Variants in CLIC5 observed in about 807,000 individuals in gnomAD.
CLIC5 encodes CLIC family member 5, also known as chloride intracellular channel protein 5.
CLIC5 carries 20 observed loss-of-function variants against 24.7 expected under a neutral mutation model. The ratio of observed to expected loss-of-function variants is 0.81; its 90% confidence interval spans 0.57 to 1.18. The LOEUF is 1.18. CLIC5 is among the 50% of genes most tolerant of loss of function. The probability of loss-of-function intolerance (pLI) is 0.00; values close to 1 mark genes in which losing one functional copy is unlikely to be tolerated. For missense variants in CLIC5, 341 were observed against 326.1 expected, an observed-to-expected ratio of 1.05 and a Z score of -0.35; for synonymous variants, 159 against 135.6, an observed-to-expected ratio of 1.17 and a Z score of -1.20.
intron 1 of CLIC5, among the ~76,000 whole-genome samples, chr6:45,969,804 T>TG (rs1417633814): frequency 7.4e-4 from 111 of 150,314 alleles, no homozygotes; most frequent in Non-Finnish European, 1.4e-3. Flanking sequence ...AGGTTTTTTT[T>TG]TTTTTTTTTT....
intron 1 of CLIC5, among the ~76,000 whole-genome samples, chr6:46,044,053 C>A (rs1180703945): frequency 6.6e-6 from 1 of 152,094 alleles, no homozygotes; most frequent in African/African-American, 2.4e-5. Flanking sequence ...ATGCTGGGAG[C>A]AAAATAGTGC....
At chr6:46,120,265 G>T in the CLIC5 span, among the ~76,000 whole-genome samples, 3 of 152,204 alleles carry the variant, frequency 2.0e-5, no homozygotes, top group Non-Finnish European at 4.4e-5. Flanking sequence ...AGCAACATTT[G>T]CTGTTCAGCA....
chr6:45,881,523 A>G, intron 6 of CLIC5, among the ~76,000 whole-genome samples: 1 of 152,222 alleles, frequency 6.6e-6, no homozygotes, highest in Non-Finnish European at 1.5e-5. Flanking sequence ...GACAAAGCTC[A>G]GCTGGGTTCT....
chr6:46,078,425 A>C (rs1260750662), intron 1 of CLIC5, among the ~76,000 whole-genome samples: 1 of 152,122 alleles, frequency 6.6e-6, no homozygotes, highest in African/African-American at 2.4e-5. Flanking sequence ...TGGAGGTCAG[A>C]AAACTGCGTG....
chr6:45,956,311 C>A (rs1222162963), intron 1 of CLIC5, among the ~76,000 whole-genome samples: 1 of 152,178 alleles, frequency 6.6e-6, no homozygotes. Flanking sequence ...AACCCATTTG[C>A]TCCAGACTCT....
upstream of CLIC5, among the ~76,000 whole-genome samples, chr6:46,019,748 A>G (rs1346207397): frequency 2.7e-5 from 4 of 148,844 alleles, no homozygotes; most frequent in African/African-American, 9.8e-5. Flanking sequence ...ATTATTAATA[A>G]TATATAAACA....
At chr6:45,941,716 T>C (rs1764138888) in intron 3 of CLIC5, 63 bp from the exon 4 acceptor site, 8 of 1,219,526 alleles carry the variant, frequency 6.6e-6, no homozygotes, top group Non-Finnish European at 9.8e-6. Flanking sequence ...AGGGTGAGCC[T>C]ATCCCTATCA....
At chr6:46,015,378 C>A in intron 1 of CLIC5, 102 bp downstream of exon 1, 2 of 1,202,406 alleles carry the variant, frequency 1.7e-6, no homozygotes, top group Non-Finnish European at 2.2e-6. Context: ...GGCTCCGCGC[C>A]GCCCTCCTGG....
intron 1 of CLIC5, among the ~76,000 whole-genome samples, chr6:46,003,908 T>C (rs897367089): frequency 1.3e-5 from 2 of 152,194 alleles, no homozygotes; most frequent in African/African-American, 2.4e-5. Flanking sequence ...TCTAAGTTTG[T>C]ATAGAGCAAC....
At chr6:46,077,550 C>A (rs1035656597) in intron 1 of CLIC5, among the ~76,000 whole-genome samples, 4 of 151,854 alleles carry the variant, frequency 2.6e-5, no homozygotes, top group African/African-American at 9.7e-5. Context: ...CTGTTTTACT[C>A]GATTTTATAT....
At chr6:45,991,101 T>C (rs1202741278) in intron 1 of CLIC5, among the ~76,000 whole-genome samples, 1 of 152,248 alleles carries the variant, frequency 6.6e-6, no homozygotes, top group Non-Finnish European at 1.5e-5. Context: ...ATGCCTTATA[T>C]ATAATCCCTT....
chr6:45,962,170 T>TTA (rs980244118), intron 1 of CLIC5, among the ~76,000 whole-genome samples: 2 of 149,702 alleles, frequency 1.3e-5, no homozygotes, highest in Non-Finnish European at 3.0e-5. Context: ...TAACATAATA[T>TTA]TATATATATG....
chr6:45,969,335 T>G (rs1289397632), intron 1 of CLIC5, among the ~76,000 whole-genome samples: 2 of 152,202 alleles, frequency 1.3e-5, no homozygotes, highest in Non-Finnish European at 2.9e-5. Context: ...TTCTGGGCTC[T>G]GCCTTCTCAC....
intron 4 of CLIC5, among the ~76,000 whole-genome samples, chr6:45,933,842 A>G (rs1193345835): frequency 6.6e-6 from 1 of 152,180 alleles, no homozygotes; most frequent in African/African-American, 2.4e-5. Flanking sequence ...AGAAAGGAAG[A>G]AAGTGAGTTT....
chr6:46,020,711 A>G (rs1203184647), upstream of CLIC5, among the ~76,000 whole-genome samples: 1 of 152,076 alleles, frequency 6.6e-6, no homozygotes, highest in Non-Finnish European at 1.5e-5. Flanking sequence ...GAGAGAGAAG[A>G]TATATTATCA....
intron 1 of CLIC5, among the ~76,000 whole-genome samples, chr6:46,038,440 T>A (rs192869368): frequency 4.7e-4 from 72 of 152,296 alleles, no homozygotes; most frequent in Non-Finnish European, 9.0e-4. Context: ...TAGGTTGACT[T>A]CCCAGAGGCC....
At chr6:46,035,280 G>A (rs1252015189) in intron 1 of CLIC5, among the ~76,000 whole-genome samples, 1 of 152,132 alleles carries the variant, frequency 6.6e-6, no homozygotes, top group Non-Finnish European at 1.5e-5. Context: ...AAGCCACTGA[G>A]TAATATTAGA....
chr6:46,027,885 A>G (rs1767384821), intron 1 of CLIC5, among the ~76,000 whole-genome samples: 2 of 152,226 alleles, frequency 1.3e-5, no homozygotes, highest in Non-Finnish European at 2.9e-5. Flanking sequence ...TTTTTAAAAA[A>G]ATTGCATTGA....
chr6:46,047,931 AT>A (rs751204729), intron 1 of CLIC5, among the ~76,000 whole-genome samples: 12 of 152,074 alleles, frequency 7.9e-5, no homozygotes, highest in Non-Finnish European at 1.8e-4. Context: ...GTGGTATATA[AT>A]AGTTTTCTAA....
Sources: allele counts gnomAD v4.1 joint callset (sites outside exome capture counted in the v4.1 genomes callset), GRCh38; gene constraint gnomAD v4.1.1; transcripts MANE v1.5; gene names NCBI Gene and HGNC (gene_info 2026-07-23, HGNC 2026-07-21).